Variants in RPS6KA2 observed in about 807,000 individuals in gnomAD.
RPS6KA2 encodes the protein ribosomal protein S6 kinase A2.
A neutral mutation model predicts 91.8 loss-of-function variants in RPS6KA2; 42 were observed. The ratio of observed to expected loss-of-function variants is 0.46; its 90% CI spans 0.36 to 0.59. The LOEUF is 0.59. Ranked by LOEUF, RPS6KA2 falls within the 20% of genes least tolerant of loss-of-function variation. RPS6KA2 has a pLI of 0.00. For synonymous variants in RPS6KA2, 414 were observed against 393.6 expected, an observed-to-expected ratio of 1.05 and a Z score of -0.61; for missense variants, 798 against 978.5, an observed-to-expected ratio of 0.82 and a Z score of 2.46.
chr6:166,572,798 G>A (rs947774751), intron 1 of RPS6KA2, among the ~76,000 whole-genome samples: 3 of 152,200 alleles, frequency 2.0e-5, no homozygotes, highest in African/African-American at 2.4e-5. Flanking sequence ...AACGGCACAC[G>A]TGTCTCTACC....
At chr6:166,627,948 G>A (rs574621456), upstream of RPS6KA2, 14 of 152,266 alleles carry the variant, frequency 9.2e-5, no homozygotes, top group South Asian at 2.9e-3. Context: ...CGCGGAACCG[G>A]CGCCTTCCCT....
chr6:166,430,093 G>C (rs1470458338), intron 16 of RPS6KA2, among the ~76,000 whole-genome samples: 1 of 151,968 alleles, frequency 6.6e-6, no homozygotes, highest in Non-Finnish European at 1.5e-5. Flanking sequence ...GAGTAGCTAG[G>C]ATTGCAGGTG....
At chr6:166,766,334 A>G (rs761972608) in intron 2 of RPS6KA2, among the ~76,000 whole-genome samples, 1 of 152,248 alleles carries the variant, frequency 6.6e-6, no homozygotes, top group Non-Finnish European at 1.5e-5. Context: ...CTTTAGGCCT[A>G]TAACTTCAAT....
At position 166,812,059 on chromosome 6, in the gene RPS6KA2, G is replaced by A. The variant is rs531835318; in HGVS notation, c.123+46141C>T. 2.2e-4 allele frequency among the ~76,000 whole-genome samples: 34 copies of A among 152,266 alleles called. No individual in the cohort carries two copies. The South Asian group carries it at 7.1e-3, about 32-fold the overall frequency. ...ATCATCTCATCCTGGAAAACGAGTG[G>A]ATGAAAGCAAGCGGGTCGGTTGTGG... On this transcript the variant is annotated intron_variant, in intron 2 of 21. Coordinates refer to the RPS6KA2 transcript ENST00000503859.
At chr6:166,587,227 G>A (rs1449322539) in intron 1 of RPS6KA2, among the ~76,000 whole-genome samples, 1 of 152,138 alleles carries the variant, frequency 6.6e-6, no homozygotes, top group Non-Finnish European at 1.5e-5. Flanking sequence ...AGAGACCCTG[G>A]GTCAGAGCCC....
At chr6:166,591,996 G>A (rs1313729456) in intron 1 of RPS6KA2, among the ~76,000 whole-genome samples, 1 of 152,146 alleles carries the variant, frequency 6.6e-6, no homozygotes, top group Non-Finnish European at 1.5e-5. Context: ...ATCACTCAGA[G>A]CTTAGACAAT....
At chr6:166,451,876 A>G (rs1779927724) in intron 12 of RPS6KA2, among the ~76,000 whole-genome samples, 1 of 152,238 alleles carries the variant, frequency 6.6e-6, no homozygotes, top group Admixed American at 6.5e-5. Flanking sequence ...ATCCCATTTC[A>G]AGTTTATCAT....
rs776119437 is a variant in RPS6KA2, at chr6:166,445,339, T to A, written c.1332+3385A>T. ...AACTCAATGAAGAAGAAAAACTCCA[T>A]CCCCATCTCCAAAATATCAACCTCC... On this transcript the variant is annotated intron_variant, in intron 14 of 20. Coordinates refer to ENST00000265678, the MANE Select transcript of RPS6KA2 (RefSeq NM_021135.6). This position sits in a 1 kb window ranked among gnomAD's most constrained non-coding sequence, Gnocchi z 4.5. Among the ~76,000 whole-genome samples, 5 of 152,080 alleles carry A rather than the reference T, an allele frequency of 3.3e-5. No individual in the cohort carries two copies. The highest frequency in any genetic ancestry group is 6.5e-5 in the Admixed American group (1 of 15,276).
chr6:166,645,421 G>A (rs1381002848), intron 2 of RPS6KA2, among the ~76,000 whole-genome samples: 3 of 152,244 alleles, frequency 2.0e-5, no homozygotes, highest in African/African-American at 2.4e-5. Context: ...CCGTTTAGCC[G>A]CTTTCTATAT....
intron 3 of RPS6KA2, among the ~76,000 whole-genome samples, chr6:166,530,400 C>T (rs964849380): frequency 6.6e-6 from 1 of 152,242 alleles, no homozygotes; most frequent in Non-Finnish European, 1.5e-5. Flanking sequence ...TCTGCAGGAA[C>T]CAGGGGCCAC....
chr6:166,477,133 C>T (rs937964484), intron 10 of RPS6KA2, among the ~76,000 whole-genome samples: 4 of 152,190 alleles, frequency 2.6e-5, no homozygotes, highest in Admixed American at 6.5e-5. Context: ...CTAAATCCAG[C>T]GCCCTCCCTG....
chr6:166,573,719 C>T (rs765912464), intron 1 of RPS6KA2, among the ~76,000 whole-genome samples: 2 of 152,226 alleles, frequency 1.3e-5, no homozygotes, highest in Non-Finnish European at 2.9e-5. Context: ...TCTTCCAGAG[C>T]CTGGTGGCAT....
chr6:166,823,504 C>T (rs1013048783), intron 2 of RPS6KA2, among the ~76,000 whole-genome samples: 1 of 149,940 alleles, frequency 6.7e-6, no homozygotes, highest in Admixed American at 6.6e-5. Flanking sequence ...AGAGACACTT[C>T]TTGAAATACT....
intron 10 of RPS6KA2, among the ~76,000 whole-genome samples, chr6:166,484,949 C>T (rs1307578684): frequency 6.6e-6 from 1 of 152,234 alleles, no homozygotes. Context: ...ATAATGACTA[C>T]CTTAGTGCAG....
At chr6:166,708,537 C>T (rs1789756080) in intron 2 of RPS6KA2, among the ~76,000 whole-genome samples, 1 of 152,184 alleles carries the variant, frequency 6.6e-6, no homozygotes, top group Non-Finnish European at 1.5e-5. Flanking sequence ...AACAAAAATG[C>T]TTTCTTCCTT....
chr6:166,695,445 G>T (rs1057152302), intron 2 of RPS6KA2, among the ~76,000 whole-genome samples: 3 of 152,176 alleles, frequency 2.0e-5, no homozygotes, highest in Non-Finnish European at 2.9e-5. Context: ...ACATGTTTAG[G>T]TTTTATCCTA....
At chr6:166,551,987 G>C (rs902188519) in intron 1 of RPS6KA2, among the ~76,000 whole-genome samples, 2 of 152,194 alleles carry the variant, frequency 1.3e-5, no homozygotes, top group African/African-American at 4.8e-5. Context: ...ACCGCCTTCC[G>C]ACACAGCTTA....
At chr6:166,798,981 G>C (rs1402216103) in intron 2 of RPS6KA2, among the ~76,000 whole-genome samples, 3 of 152,246 alleles carry the variant, frequency 2.0e-5, no homozygotes. Context: ...AAAATTGAAA[G>C]AGAGCCCCTA....
chr6:166,734,623 C>A (rs1790623524), intron 2 of RPS6KA2, among the ~76,000 whole-genome samples: 1 of 151,676 alleles, frequency 6.6e-6, no homozygotes, highest in African/African-American at 2.4e-5. Flanking sequence ...TGAATTTAAG[C>A]ACAGGTCTGT....
Sources: gnomAD v4.1 joint callset for allele counts (sites outside exome capture counted in the v4.1 genomes callset) on GRCh38, gnomAD v4.1.1 for gene constraint, Gnocchi (gnomAD v3.1) non-coding constraint, MANE v1.5 for transcripts, NCBI Gene and HGNC (gene_info 2026-07-23, HGNC 2026-07-21) for gene names.